The following PNPT1 variants were observed in gnomAD, a reference collection of about 807,000 sequenced individuals.
The protein encoded by PNPT1 is polyribonucleotide nucleotidyltransferase 1.
PNPT1 carries 53 observed loss-of-function variants against 119.5 expected under a neutral mutation model. The ratio of observed to expected loss-of-function variants is 0.44; its 90% CI spans 0.36 to 0.56. The LOEUF (loss-of-function observed/expected upper bound fraction) is 0.56. PNPT1 is among the 20% of genes least tolerant of loss of function. The probability of loss-of-function intolerance (pLI) is 0.00; values close to 1 mark genes in which losing one functional copy is unlikely to be tolerated. For synonymous variants in PNPT1, 357 were observed against 322.1 expected (o/e 1.11, Z -1.16); for missense variants, 948 against 938.5 (o/e 1.01, Z -0.13).
intron 8 of PNPT1, among the ~76,000 whole-genome samples, chr2:55,673,385 G>C (rs1696973071): frequency 6.7e-6 from 1 of 149,370 alleles, no homozygotes; most frequent in East Asian, 1.9e-4. Flanking sequence ...AAGTTTTATT[G>C]AGCTATAAGT....
At chr2:55,670,895 CATT>C (rs1696891597) in intron 11 of PNPT1, among the ~76,000 whole-genome samples, 2 of 151,536 alleles carry the variant, frequency 1.3e-5, no homozygotes, top group South Asian at 2.1e-4. Context: ...TGTGAGCTAT[CATT>C]ATTACAAGTT....
At position 55,671,332 on chromosome 2, in the gene PNPT1, C is replaced by T; in HGVS notation, c.963G>A (p.Glu321=). The T allele has an allele frequency of 3.9e-6, 6 of 1,533,294 alleles. No individual in the cohort carries two copies. Among genetic ancestry groups the T allele is most frequent in the Non-Finnish European group, 5.3e-6 (6 of 1,138,746 alleles). The allele number at this position is 1,533,294 out of a possible 1,614,324, so 95.0% of individuals were successfully genotyped here. Reference sequence around the variant, plus strand: ...AATAAAATTTACCTTTTAGTTGTTCCTCCGTATCTAATCTTATTTTGTTAA... The same window carrying T: ...AATAAAATTTACCTTTTAGTTGTTCTTCCGTATCTAATCTTATTTTGTTAA... ...EAVNKIRLDT[E]EQLKEKFPEA... is the part of the protein sequence containing the mutation. The change falls in exon 11 of 28, where the codon GAG becomes GAA. Residue 321 remains glutamate, a synonymous_variant. Coordinates refer to ENST00000447944, the MANE Select transcript of PNPT1 (RefSeq NM_033109.5).
intron 13 of PNPT1, among the ~76,000 whole-genome samples, chr2:55,665,456 C>CAT (rs1023424647): frequency 2.0e-5 from 3 of 151,932 alleles, no homozygotes; most frequent in Non-Finnish European, 2.9e-5. Flanking sequence ...AAGAAGGAGA[C>CAT]ATATATATAT....
At chr2:55,678,386 G>A (rs1333590109) in intron 8 of PNPT1, among the ~76,000 whole-genome samples, 1 of 152,172 alleles carries the variant, frequency 6.6e-6, no homozygotes, top group Non-Finnish European at 1.5e-5. Context: ...TCATTTCCTT[G>A]CCTCACTTGC....
intron 4 of PNPT1, 85 bp from the exon 5 acceptor site, chr2:55,683,919 T>G: frequency 7.7e-7 from 1 of 1,301,964 alleles, no homozygotes; most frequent in South Asian, 1.3e-5. Context: ...TAGATAGCCA[T>G]TCAATATGTT....
intron 5 of PNPT1, 122 bp from the exon 6 acceptor site, chr2:55,681,040 G>T (rs1697230355): frequency 4.0e-6 from 3 of 755,684 alleles, no homozygotes; most frequent in East Asian, 5.2e-5. Flanking sequence ...CTTAATTTTG[G>T]CTGTCATTAA....
At chr2:55,669,539 A>G (rs1696839940) in intron 11 of PNPT1, among the ~76,000 whole-genome samples, 1 of 152,204 alleles carries the variant, frequency 6.6e-6, no homozygotes, top group African/African-American at 2.4e-5. Context: ...CTTGGAAAGG[A>G]AAACAATCAG....
intron 14 of PNPT1, among the ~76,000 whole-genome samples, chr2:55,661,091 C>CT (rs1171064705): frequency 0.018 from 1,295 of 71,416 alleles, 14 homozygotes; most frequent in East Asian, 0.024. Flanking sequence ...AATAGAGATT[C>CT]TTTTTTTTTT....
intron 22 of PNPT1, 126 bp downstream of exon 22, chr2:55,645,223 A>C (rs1695950257): frequency 1.8e-6 from 1 of 557,644 alleles, no homozygotes; most frequent in Admixed American, 3.4e-5. Flanking sequence ...ACAGGGTTTC[A>C]CCGTGTTAGC....
Position 55,684,989 on chromosome 2 carries a change from T to C in PNPT1, c.357A>G (p.Arg119=), listed in dbSNP as rs769319099. Residue 119 remains arginine (R), a synonymous_variant, in exon 4 of 28, where the codon AGA becomes AGG. Transcript: ENST00000447944. Reference sequence around the variant, plus strand: ...TTTCTTTATCAGAAGTACCAATCTCTCTTCTCAGATAGTTTGTGGGAATTC... The same window carrying C: ...TTTCTTTATCAGAAGTACCAATCTCCCTTCTCAGATAGTTTGTGGGAATTC... ...AGRIPTNYLR[R]EIGTSDKEIL... 13 of 1,594,594 alleles carry C rather than the reference T, an allele frequency of 8.2e-6. No homozygotes were observed. Among genetic ancestry groups the C allele is most frequent in the Non-Finnish European group, 1.0e-5 (12 of 1,165,976 alleles).
At chr2:55,669,968 A>G (rs1696857455) in intron 11 of PNPT1, among the ~76,000 whole-genome samples, 1 of 151,926 alleles carries the variant, frequency 6.6e-6, no homozygotes, top group Admixed American at 6.6e-5. Context: ...CATATTGGCC[A>G]GGCTGGTCTT....
intron 18 of PNPT1, among the ~76,000 whole-genome samples, chr2:55,651,223 A>G (rs1189879680): frequency 3.4e-5 from 5 of 147,308 alleles, no homozygotes; most frequent in South Asian, 2.2e-4. Context: ...GGCCGCCCCT[A>G]CTGGGAAGTG....
chr2:55,637,917 G>A (rs535396046), intron 26 of PNPT1, among the ~76,000 whole-genome samples: 1 of 148,460 alleles, frequency 6.7e-6, no homozygotes, highest in East Asian at 2.0e-4. Flanking sequence ...GGAGAATGGC[G>A]TGAACCCAGG....
At chr2:55,672,178 A>G (rs888768551) in intron 9 of PNPT1, 132 bp from the exon 10 acceptor site, 43 of 670,640 alleles carry the variant, frequency 6.4e-5, no homozygotes, top group Middle Eastern at 4.1e-4. Flanking sequence ...AGAATTGAAA[A>G]TTTATATTGC....
chr2:55,657,536 C>T (rs1696424178), intron 15 of PNPT1, among the ~76,000 whole-genome samples: 1 of 151,310 alleles, frequency 6.6e-6, no homozygotes, highest in South Asian at 2.1e-4. Context: ...TACAGGCATG[C>T]ACCACCATGC....
intron 8 of PNPT1, among the ~76,000 whole-genome samples, chr2:55,679,173 T>G (rs1434610964): frequency 6.6e-6 from 1 of 152,162 alleles, no homozygotes; most frequent in Non-Finnish European, 1.5e-5. Flanking sequence ...TAAGTGAAAA[T>G]GGCCCATGGT....
intron 1 of PNPT1, 119 bp from the exon 2 acceptor site, chr2:55,687,824 C>A: frequency 3.1e-6 from 2 of 636,110 alleles, no homozygotes; most frequent in Non-Finnish European, 5.0e-6. Flanking sequence ...CCCACTCCAC[C>A]AACAAAAAGG....
intron 18 of PNPT1, among the ~76,000 whole-genome samples, chr2:55,651,123 G>A (rs1696177914): frequency 6.7e-6 from 1 of 149,138 alleles, no homozygotes; most frequent in Admixed American, 6.6e-5. Flanking sequence ...GAGGTGAGGG[G>A]CGCCTCTGCC....
At chr2:55,636,423 G>A (rs1695676251) in intron 27 of PNPT1, 31 bp from the exon 28 acceptor site, 1 of 1,607,414 alleles carries the variant, frequency 6.2e-7, no homozygotes, top group African/African-American at 1.3e-5. Flanking sequence ...TTCCTTTAAA[G>A]TTACAGCACA....
Sources: gnomAD v4.1 joint callset for allele counts (sites outside exome capture counted in the v4.1 genomes callset) on GRCh38, gnomAD v4.1.1 for gene constraint, MANE v1.5 for transcripts, NCBI Gene and HGNC (gene_info 2026-07-23, HGNC 2026-07-21) for gene names.